Variants in CIMIP4 observed in about 807,000 individuals in gnomAD.
CIMIP4 encodes protein EAN57.
At chr22:37,005,872 T>C in the CIMIP4 span, among the ~76,000 whole-genome samples, 1 of 152,212 alleles carries the variant, frequency 6.6e-6, no homozygotes, top group Non-Finnish European at 1.5e-5. Context: ...AGTCTCATCC[T>C]TTCCAGATCC....
At chr22:37,002,227 G>A in the CIMIP4 span, 1 of 1,458,680 alleles carries the variant, frequency 6.9e-7, no homozygotes, top group Non-Finnish European at 9.1e-7. Context: ...CCAAGGAACT[G>A]TAGGCCGCTT....
the CIMIP4 span, among the ~76,000 whole-genome samples, chr22:36,994,270 G>C: frequency 6.6e-6 from 1 of 152,188 alleles, no homozygotes; most frequent in Non-Finnish European, 1.5e-5. Context: ...TAACAAGCCT[G>C]TTCTATAGAC....
At chr22:37,003,559 C>G in the CIMIP4 span, among the ~76,000 whole-genome samples, 2 of 152,196 alleles carry the variant, frequency 1.3e-5, no homozygotes, top group African/African-American at 4.8e-5. Flanking sequence ...CTGCCTGGAA[C>G]ACTCCCCTCC....
the CIMIP4 span, among the ~76,000 whole-genome samples, chr22:36,998,881 C>T: frequency 2.0e-5 from 3 of 152,100 alleles, no homozygotes; most frequent in Non-Finnish European, 4.4e-5. Flanking sequence ...CGACTTGCCT[C>T]GGCCAAGCAC....
the CIMIP4 span, among the ~76,000 whole-genome samples, chr22:36,995,024 T>C: frequency 6.6e-6 from 1 of 152,070 alleles, no homozygotes; most frequent in Non-Finnish European, 1.5e-5. Flanking sequence ...AGGATTGAAA[T>C]CATTACAGGG....
At chr22:37,002,921 C>G in the CIMIP4 span, among the ~76,000 whole-genome samples, 2 of 152,184 alleles carry the variant, frequency 1.3e-5, no homozygotes, top group Admixed American at 6.5e-5. Flanking sequence ...CTCTCCTCCC[C>G]GCCTCTCCCT....
chr22:37,000,338 C>A, the CIMIP4 span, among the ~76,000 whole-genome samples: 1 of 152,202 alleles, frequency 6.6e-6, no homozygotes, highest in African/African-American at 2.4e-5. Context: ...GACCAAAGAT[C>A]ACCCAGTTCA....
chr22:36,991,495 T>C, the CIMIP4 span: 2 of 1,614,166 alleles, frequency 1.2e-6, no homozygotes, highest in Admixed American at 3.3e-5. Flanking sequence ...ATCATCCGTC[T>C]TCCTGCCATG....
At chr22:36,996,730 A>C in the CIMIP4 span, among the ~76,000 whole-genome samples, 1 of 152,196 alleles carries the variant, frequency 6.6e-6, no homozygotes, top group Non-Finnish European at 1.5e-5. Flanking sequence ...CCAAGACATT[A>C]ACTGGTGATG....
At chr22:36,992,737 C>A in the CIMIP4 span, among the ~76,000 whole-genome samples, 1 of 151,974 alleles carries the variant, frequency 6.6e-6, no homozygotes, top group Admixed American at 6.5e-5. Flanking sequence ...GATAAAATAG[C>A]AGATCAAATA....
the CIMIP4 span, among the ~76,000 whole-genome samples, chr22:36,994,085 T>C: frequency 5.9e-5 from 9 of 152,186 alleles, no homozygotes; most frequent in African/African-American, 1.4e-4. Flanking sequence ...AATGTAATGA[T>C]TCTGAACTTG....
At chr22:36,991,810 T>A in the CIMIP4 span, among the ~76,000 whole-genome samples, 1 of 151,954 alleles carries the variant, frequency 6.6e-6, no homozygotes. Context: ...TGAGCTTCAG[T>A]GTCTTCAACT....
the CIMIP4 span, among the ~76,000 whole-genome samples, chr22:36,992,345 TCAAACAAA>T: frequency 4.0e-5 from 6 of 151,612 alleles, no homozygotes; most frequent in Admixed American, 6.6e-5. Context: ...AGACTCTGTC[TCAAACAAA>T]CAAACAAACA....
chr22:37,003,454 T>A, the CIMIP4 span, among the ~76,000 whole-genome samples: 1 of 152,104 alleles, frequency 6.6e-6, no homozygotes, highest in African/African-American at 2.4e-5. Flanking sequence ...CATCAAAATC[T>A]TTCCTCTTGT....
At chr22:37,002,631 A>G in the CIMIP4 span, among the ~76,000 whole-genome samples, 1 of 152,174 alleles carries the variant, frequency 6.6e-6, no homozygotes, top group Non-Finnish European at 1.5e-5. Flanking sequence ...GACCGCAAGC[A>G]AGGGACTTGG....
chr22:37,003,090 C>T, the CIMIP4 span, among the ~76,000 whole-genome samples: 1 of 152,248 alleles, frequency 6.6e-6, no homozygotes, highest in Non-Finnish European at 1.5e-5. Flanking sequence ...TTAAAAGATA[C>T]ATAAGGGCTG....
the CIMIP4 span, chr22:37,002,192 C>A: frequency 1.3e-6 from 2 of 1,484,846 alleles, no homozygotes; most frequent in Admixed American, 2.5e-5. Context: ...GGATGACAGA[C>A]CCTGGTTCTT....
At chr22:36,999,575 G>GAGGGGGA in the CIMIP4 span, among the ~76,000 whole-genome samples, 1 of 62,322 alleles carries the variant, frequency 1.6e-5, no homozygotes, top group Non-Finnish European at 3.0e-5. Flanking sequence ...GGGGGGAGGG[G>GAGGGGGA]AGGGGAGGGG....
the CIMIP4 span, among the ~76,000 whole-genome samples, chr22:36,997,775 A>G: frequency 2.0e-5 from 3 of 152,346 alleles, no homozygotes; most frequent in Admixed American, 2.0e-4. Context: ...ACCTTCCAGC[A>G]GGCTTCACGA....
Sources: gnomAD v4.1 joint callset for allele counts (sites outside exome capture counted in the v4.1 genomes callset) on GRCh38, gnomAD v4.1.1 for gene constraint, MANE v1.5 for transcripts, NCBI Gene and HGNC (gene_info 2026-07-23, HGNC 2026-07-21) for gene names.